MICU2: variants seen among roughly 807,000 people sequenced by gnomAD.
MICU2 encodes calcium uptake protein 2, mitochondrial.
In MICU2, 64 loss-of-function variants were observed where a neutral mutation model predicts 60.4. The ratio of observed to expected loss-of-function variants is 1.06; its 90% CI spans 0.87 to 1.31. The LOEUF (loss-of-function observed/expected upper bound fraction) is 1.31. MICU2 is among the 50% of genes most tolerant of loss of function. The probability of loss-of-function intolerance (pLI) is 0.00; values close to 1 mark genes in which losing one functional copy is unlikely to be tolerated. For missense variants in MICU2, 569 were observed against 531.0 expected, an observed-to-expected ratio of 1.07 and a Z score of -0.70; for synonymous variants, 201 against 175.0, an observed-to-expected ratio of 1.15 and a Z score of -1.17.
chr13:21,579,420 G>A (rs564709604), intron 1 of MICU2, among the ~76,000 whole-genome samples: 3 of 149,382 alleles, frequency 2.0e-5, no homozygotes, highest in Non-Finnish European at 3.0e-5. Flanking sequence ...GGCTCACTGC[G>A]ACCTCTGCCT....
At chr13:21,528,926 G>C (rs1393976458) in intron 4 of MICU2, among the ~76,000 whole-genome samples, 1 of 152,170 alleles carries the variant, frequency 6.6e-6, no homozygotes, top group African/African-American at 2.4e-5. Flanking sequence ...GGGAGAGAGA[G>C]AATGGCACAG....
intron 4 of MICU2, among the ~76,000 whole-genome samples, chr13:21,536,871 A>C (rs1887142269): frequency 6.6e-6 from 1 of 152,210 alleles, no homozygotes; most frequent in African/African-American, 2.4e-5. Context: ...GATAAGGTTC[A>C]CTAAATTAAC....
At chr13:21,568,321 A>T (rs1888030479) in intron 1 of MICU2, among the ~76,000 whole-genome samples, 1 of 151,964 alleles carries the variant, frequency 6.6e-6, no homozygotes. Context: ...CTAGTTTTAC[A>T]CCTCTTTTGT....
chr13:21,592,314 G>T (rs1318317459), intron 1 of MICU2, among the ~76,000 whole-genome samples: 3 of 152,134 alleles, frequency 2.0e-5, no homozygotes, highest in African/African-American at 7.2e-5. Flanking sequence ...ACTAAATCAA[G>T]AAGAAGTCGA....
chr13:21,529,139 A>T (rs1886926761), intron 4 of MICU2, among the ~76,000 whole-genome samples: 1 of 152,196 alleles, frequency 6.6e-6, no homozygotes. Flanking sequence ...GGTAGGGAGA[A>T]GAGAAGATGA....
intron 2 of MICU2, among the ~76,000 whole-genome samples, chr13:21,553,005 A>ACCCAGGCGT (rs1887612614): frequency 6.6e-6 from 1 of 152,190 alleles, no homozygotes; most frequent in African/African-American, 2.4e-5. Flanking sequence ...CGTTGAATCT[A>ACCCAGGCGT]TAAATTACCT....
chr13:21,507,606 ATTT>A (rs111726011), intron 8 of MICU2, among the ~76,000 whole-genome samples: 1 of 141,992 alleles, frequency 7.0e-6, no homozygotes. Context: ...AGAAACTTAG[ATTT>A]TTTTTTTTTT....
intron 4 of MICU2, among the ~76,000 whole-genome samples, chr13:21,525,712 A>G (rs1886836839): frequency 6.6e-6 from 1 of 151,466 alleles, no homozygotes; most frequent in Non-Finnish European, 1.5e-5. Context: ...TCATGTGTAT[A>G]TCTTATTTTG....
At chr13:21,544,516 G>GAAAAAAAAAAAAAAAAAAAAAACAAAAA (rs10628955) in intron 2 of MICU2, among the ~76,000 whole-genome samples, 1 of 77,390 alleles carries the variant, frequency 1.3e-5, no homozygotes, top group Non-Finnish European at 2.5e-5. Flanking sequence ...ATAAACACAT[G>GAAAAAAAAAAAAAAAAAAAAAACAAAAA]AAAAAAAAAA....
intron 1 of MICU2, among the ~76,000 whole-genome samples, chr13:21,583,180 A>G (rs758597061): frequency 2.0e-5 from 3 of 152,166 alleles, no homozygotes; most frequent in Non-Finnish European, 4.4e-5. Context: ...GCTTGGGTCT[A>G]GGAGTTTGCC....
At chr13:21,577,727 C>T (rs1222388681) in intron 1 of MICU2, among the ~76,000 whole-genome samples, 2 of 151,140 alleles carry the variant, frequency 1.3e-5, no homozygotes, top group Non-Finnish European at 1.5e-5. Context: ...ATTGCTTGAA[C>T]CCGGGAGACA....
At chr13:21,535,130 G>C (rs1887102133) in intron 4 of MICU2, among the ~76,000 whole-genome samples, 1 of 151,782 alleles carries the variant, frequency 6.6e-6, no homozygotes, top group African/African-American at 2.4e-5. Flanking sequence ...TTTTCCTTAA[G>C]ATGATTTAAA....
chr13:21,568,775 CAAG>C (rs1888039562), intron 1 of MICU2, among the ~76,000 whole-genome samples: 1 of 152,044 alleles, frequency 6.6e-6, no homozygotes, highest in Non-Finnish European at 1.5e-5. Flanking sequence ...CAAATCTCAT[CAAG>C]AAGTAAAAAC....
chr13:21,573,555 A>C (rs899491982), intron 1 of MICU2, among the ~76,000 whole-genome samples: 3 of 152,196 alleles, frequency 2.0e-5, no homozygotes, highest in Non-Finnish European at 4.4e-5. Context: ...TACAGGTGTG[A>C]GCCACTGCGC....
Position 21,603,933 on chromosome 13 carries a change from C to T in MICU2, c.210+6G>A, listed in dbSNP as rs548963206. On this transcript the variant is annotated splice_donor_region_variant and intron_variant, in intron 1 of 11. Transcript: ENST00000382374. ...CTGGGGCTAGCAGAAGGAGTTAGTC[C>T]TGTACCTGTGCGGAGACTGTAAAAC... The T allele has an allele frequency of 4.3e-6, 7 of 1,612,328 alleles. No homozygotes were observed. In the South Asian group the frequency reaches 6.6e-5, roughly 15 times the overall value.
chr13:21,494,921 G>C (rs1287736273), intron 11 of MICU2, among the ~76,000 whole-genome samples: 1 of 151,948 alleles, frequency 6.6e-6, no homozygotes, highest in Non-Finnish European at 1.5e-5. Context: ...AGAGTGCAGT[G>C]GTGCGATCGT....
At chr13:21,569,691 T>G (rs905392815) in intron 1 of MICU2, among the ~76,000 whole-genome samples, 1 of 151,534 alleles carries the variant, frequency 6.6e-6, no homozygotes, top group African/African-American at 2.4e-5. Context: ...CTCTGTATTA[T>G]AGTATCTAAT....
intron 8 of MICU2, among the ~76,000 whole-genome samples, chr13:21,504,576 C>T (rs80281075): frequency 6.6e-6 from 1 of 152,216 alleles, no homozygotes; most frequent in African/African-American, 2.4e-5. Flanking sequence ...TAACATGAAA[C>T]TCTGGAACAT....
chr13:21,580,537 A>G (rs1484544714), intron 1 of MICU2, among the ~76,000 whole-genome samples: 1 of 148,872 alleles, frequency 6.7e-6, no homozygotes, highest in Non-Finnish European at 1.5e-5. Context: ...GATATTCTAC[A>G]ATGATCCAGG....
Sources: allele counts gnomAD v4.1 joint callset (sites outside exome capture counted in the v4.1 genomes callset), GRCh38; gene constraint gnomAD v4.1.1; transcripts MANE v1.5; gene names NCBI Gene and HGNC (gene_info 2026-07-23, HGNC 2026-07-21).